IKZF4: variants seen among roughly 807,000 people sequenced by gnomAD.
The protein encoded by IKZF4 is zinc finger protein Eos.
IKZF4 carries 11 observed loss-of-function variants against 47.7 expected under a neutral mutation model. The observed-to-expected ratio is 0.23, with a 90% CI of 0.15 to 0.38. The LOEUF (loss-of-function observed/expected upper bound fraction) is 0.38, where lower values mean the gene tolerates loss of function less well. Among genes scored for constraint, IKZF4 ranks in the 10% least tolerant of loss-of-function variants. IKZF4 has a pLI of 1.00. For missense variants in IKZF4, 557 were observed against 784.9 expected (o/e 0.71, Z 3.47); for synonymous variants, 298 against 299.4 (o/e 1.00, Z 0.05).
At chr12:56,024,516 T>G (rs867943183) in intron 2 of IKZF4, 1 of 522,610 alleles carries the variant, frequency 1.9e-6, no homozygotes, top group Non-Finnish European at 2.5e-6. Flanking sequence ...ATATAGTTGT[T>G]GTGAGGATTA....
At chr12:56,026,643 C>T (rs1358541156) in intron 3 of IKZF4, 138 bp from the exon 4 acceptor site, 2 of 884,630 alleles carry the variant, frequency 2.3e-6, no homozygotes, top group Non-Finnish European at 3.2e-6. Context: ...GAGCCAAATT[C>T]GTGCCACTGC....
chr12:56,021,730 G>T, intron 1 of IKZF4, 150 bp downstream of exon 1: 3 of 1,136,898 alleles, frequency 2.6e-6, no homozygotes, highest in Non-Finnish European at 3.7e-6. Flanking sequence ...GTGTGTGTGT[G>T]TAGCGGGGGA....
chr12:56,010,641 C>G (rs1414634113), intron 1 of IKZF4: 1 of 152,144 alleles, frequency 6.6e-6, no homozygotes, highest in Non-Finnish European at 1.5e-5. Context: ...AATCTTCCAA[C>G]TGGGGCAAGA....
chr12:56,016,377 GT>G (rs1026372557), upstream of IKZF4, among the ~76,000 whole-genome samples: 39 of 149,530 alleles, frequency 2.6e-4, no homozygotes, highest in Non-Finnish European at 5.5e-4. Flanking sequence ...AGGGCGTTTA[GT>G]TTTCATCAGA....
At chr12:56,024,022 C>T (rs1893527768) in intron 2 of IKZF4, 1 of 731,282 alleles carries the variant, frequency 1.4e-6, no homozygotes, top group Non-Finnish European at 1.7e-6. Flanking sequence ...TGTTTATCTA[C>T]ATGTATTTTT....
chr12:56,032,635 G>C lies in IKZF4; in HGVS notation c.790G>C (p.Glu264Gln). 2 of 1,614,042 alleles carry C rather than the reference G, an allele frequency of 1.2e-6. No homozygotes were observed. ...GRSYKQQSTL[E>Q]EHKERCHNYL... ...GAGCTACAAACAGCAGAGTACCCTG[G>C]AGGAGCACAAGGAGCGGTGCCATAA... Residue 264 changes from glutamate (E) to glutamine (Q), a missense_variant, in exon 6 of 8, where the codon GAG becomes CAG. Coordinates refer to ENST00000547167, the MANE Select transcript of IKZF4 (RefSeq NM_022465.4).
chr12:56,024,644 C>A, intron 2 of IKZF4: 1 of 1,047,884 alleles, frequency 9.5e-7, no homozygotes, highest in Non-Finnish European at 1.2e-6. Context: ...AGGACAATTC[C>A]AGTTACCTTT....
At chr12:56,022,436 G>A (rs1445018653) in intron 1 of IKZF4, among the ~76,000 whole-genome samples, 1 of 152,110 alleles carries the variant, frequency 6.6e-6, no homozygotes, top group Non-Finnish European at 1.5e-5. Flanking sequence ...CTTAATTCTT[G>A]GCTTTGACAG....
chr12:56,021,688 C>CTGTGTGTGTGTGTG (rs67296911), intron 1 of IKZF4, 108 bp downstream of exon 1: 44 of 658,872 alleles, frequency 6.7e-5, no homozygotes, highest in Middle Eastern at 3.9e-4. Flanking sequence ...AGGATGGGGG[C>CTGTGTGTGTGTGTG]TGTGTGTGTG....
upstream of IKZF4, chr12:56,018,154 G>A: frequency 7.8e-7 from 1 of 1,289,302 alleles, no homozygotes; most frequent in Middle Eastern, 2.1e-4. Context: ...ATAGAAGACT[G>A]CAATGGCCGC....
Position 56,021,535 on chromosome 12 carries a change from C to A in IKZF4, c.42C>A (p.Gly14=). 6.2e-7 allele frequency: 1 copy of A among 1,609,066 alleles called. No individual in the cohort carries two copies. The highest frequency in any genetic ancestry group is 1.1e-5 in the South Asian group (1 of 89,992). The change falls in exon 1 of 8, where the codon GGC becomes GGA. Residue 14 remains glycine (G), a synonymous_variant. Transcript: ENST00000547167. ...PPALPRRFQG[G]GRVRTPGSHR... is the part of the protein sequence containing the mutation. The stretch of plus-strand genomic sequence containing the variant: ...CACTCCCTCGCCGTTTCCAAGGCGG[C>A]GGCCGCGTTCGCACCCCAGGGTCTC...
At position 56,021,175 on chromosome 12, in the gene IKZF4, A is replaced by C; in HGVS notation, c.-319A>C. 8 of 1,248,990 alleles carry C rather than the reference A, an allele frequency of 6.4e-6. No homozygotes were observed. The highest frequency in any genetic ancestry group is 4.0e-5 in the East Asian group (1 of 25,254). 77.4% of individuals were successfully genotyped at this position (1,248,990 alleles called of 1,614,324 possible). On this transcript the variant is annotated 5_prime_UTR_variant, in exon 1 of 8. The change abolishes an upstream ATG in the 5' untranslated region. Coordinates refer to ENST00000547167, the MANE Select transcript of IKZF4 (RefSeq NM_022465.4). ...CCCCCTTCACTGTCTTGGAAAAGGG[A>C]TGCTGTAGCCTAGCATCTCCCCCAC...
At chr12:56,024,895 G>A (rs532999243) in intron 2 of IKZF4, 159 bp from the exon 3 acceptor site, 28 of 1,483,712 alleles carry the variant, frequency 1.9e-5, no homozygotes, top group African/African-American at 8.3e-5. Flanking sequence ...CCAGACTGGC[G>A]GGGGCACAAG....
intron 3 of IKZF4, 107 bp from the exon 4 acceptor site, chr12:56,026,674 A>C: frequency 8.1e-7 from 1 of 1,227,834 alleles, no homozygotes; most frequent in Non-Finnish European, 1.1e-6. Context: ...GGGCAACAAG[A>C]GCGAAATTCC....
At chr12:56,024,979 T>C in intron 2 of IKZF4, 75 bp from the exon 3 acceptor site, 2 of 1,548,950 alleles carry the variant, frequency 1.3e-6, no homozygotes, top group Non-Finnish European at 1.7e-6. Context: ...AACTGAATTT[T>C]TTTAAAAGAT....
At position 56,021,292 on chromosome 12, in the gene IKZF4, TCTCACACA is replaced by T; in HGVS notation, c.-200_-193del. 1.2e-6 allele frequency: 1 copy of T among 842,362 alleles called. No homozygotes were observed. The highest frequency in any genetic ancestry group is 4.8e-5 in the Admixed American group (1 of 20,784). The allele number at this position is 842,362 out of a possible 1,614,324, so 52.2% of individuals were successfully genotyped here. A position where few individuals can be genotyped will look rare whatever the true frequency, so the allele number is the denominator to read the frequency against. On this transcript the variant is annotated 5_prime_UTR_variant, in exon 1 of 8. Coordinates refer to ENST00000547167, the MANE Select transcript of IKZF4 (RefSeq NM_022465.4). The stretch of plus-strand genomic sequence containing the variant: ...TTCTCTCCCTCTCTCTCTCTCTCTC[TCTCACACA>T]CACACACACACACACACTCAACACA...
chr12:56,008,816 A>C (rs1891006616), intron 1 of IKZF4, among the ~76,000 whole-genome samples: 1 of 151,736 alleles, frequency 6.6e-6, no homozygotes, highest in African/African-American at 2.4e-5. Context: ...CTGGGATTAC[A>C]GGCACCCGCC....
upstream of IKZF4, among the ~76,000 whole-genome samples, chr12:56,019,710 A>G (rs1771565732): frequency 6.6e-6 from 1 of 152,218 alleles, no homozygotes; most frequent in Non-Finnish European, 1.5e-5. Context: ...CCTACCATAA[A>G]GCAGGCAAAT....
intron 6 of IKZF4, 148 bp downstream of exon 6, chr12:56,032,858 T>C (rs980138515): frequency 3.0e-6 from 3 of 989,198 alleles, no homozygotes; most frequent in Non-Finnish European, 4.6e-6. Flanking sequence ...AACACCCCAT[T>C]CTAGGTAACC....
Sources: allele counts gnomAD v4.1 joint callset (sites outside exome capture counted in the v4.1 genomes callset), GRCh38; gene constraint gnomAD v4.1.1; transcripts MANE v1.5; gene names NCBI Gene and HGNC (gene_info 2026-07-23, HGNC 2026-07-21).